VWF: variants seen among roughly 807,000 people sequenced by gnomAD.
VWF encodes the protein Factor VIII related antigen.
In VWF, 176 loss-of-function variants were observed where a neutral mutation model predicts 308.6. That is an observed-to-expected ratio of 0.57 (90% CI 0.50 to 0.65). The LOEUF (loss-of-function observed/expected upper bound fraction) is 0.65. Ranked by LOEUF, VWF falls within the 30% of genes least tolerant of loss-of-function variation. The pLI is 0.00. For synonymous variants in VWF, 1,385 were observed against 1,443.4 expected (o/e 0.96, Z 0.92); for missense variants, 3,146 against 3,648.2 (o/e 0.86, Z 3.55).
At chr12:6,021,621 C>T in intron 27 of VWF, 1 of 392,514 alleles carries the variant, frequency 2.5e-6, no homozygotes. Context: ...AAAGCAAAAA[C>T]CTGTTAGGAC....
intron 6 of VWF, chr12:6,095,135 T>C: frequency 8.1e-6 from 3 of 369,442 alleles, no homozygotes; most frequent in South Asian, 6.4e-5. Context: ...AGACACTGAA[T>C]GCTGGTACCT....
intron 37 of VWF, among the ~76,000 whole-genome samples, 174 bp downstream of exon 37, chr12:5,993,688 T>C (rs1014749849): frequency 1.3e-4 from 20 of 150,718 alleles, no homozygotes; most frequent in African/African-American, 4.9e-4. Flanking sequence ...TATACATATA[T>C]GTATATGTAT....
chr12:6,088,471 T>C (rs1355482295), intron 6 of VWF, among the ~76,000 whole-genome samples: 1 of 146,104 alleles, frequency 6.8e-6, no homozygotes, highest in East Asian at 2.0e-4. Context: ...AGAGCGAGAC[T>C]CTGTCTAAAA....
At position 6,018,567 on chromosome 12, in the gene VWF, C is replaced by T; in HGVS notation, c.4851G>A (p.Lys1617=). ...CCACCTGGATGTCTCCAGGCAGCCT[C>T]TTGATCTCATCAGAGGCAGGATTTC... ...VTGNPASDEI[K]RLPGDIQVVP... is the part of the protein sequence containing the mutation. Residue 1617 remains lysine (K), a synonymous_variant, in exon 28 of 52, where the codon AAG becomes AAA. Transcript: ENST00000261405. The T allele has an allele frequency of 6.2e-7, 1 of 1,614,156 alleles. No homozygotes were observed. Among genetic ancestry groups the T allele is most frequent in the Non-Finnish European group, 8.5e-7 (1 of 1,180,004 alleles).
intron 6 of VWF, among the ~76,000 whole-genome samples, chr12:6,078,050 A>C (rs1944865642): frequency 1.3e-5 from 2 of 152,234 alleles, no homozygotes; most frequent in South Asian, 4.1e-4. Flanking sequence ...TATCATCATC[A>C]TCATCATCTT....
chr12:5,976,151 G>A lies in VWF; in HGVS notation c.7397C>T (p.Ala2466Val). The stretch of plus-strand genomic sequence containing the variant: ...CTCACAGGGCTTCTGGGAGCACTGG[G>A]CCACGCGGAGGCCCATCACGGCATC... ...MEDAVMGLRV[A>V]QCSQKPCEDS... is the part of the protein sequence containing the mutation. The change falls in exon 43 of 52, where the codon GCC (alanine) becomes GTC (valine). Residue 2466 changes from alanine to valine, a missense_variant. Coordinates refer to ENST00000261405, the MANE Select transcript of VWF (RefSeq NM_000552.5). The A allele has an allele frequency of 6.2e-7, 1 of 1,614,016 alleles. No individual in the cohort carries two copies. Among genetic ancestry groups the A allele is most frequent in the Non-Finnish European group, 8.5e-7 (1 of 1,180,036 alleles).
At chr12:6,053,058 T>C (rs1169047717) in intron 15 of VWF, among the ~76,000 whole-genome samples, 1 of 152,202 alleles carries the variant, frequency 6.6e-6, no homozygotes. Context: ...AGCATGCAGA[T>C]ATGTATTATA....
At chr12:6,110,227 T>A (rs1945291204) in intron 5 of VWF, 147 bp downstream of exon 5, 2 of 884,074 alleles carry the variant, frequency 2.3e-6, no homozygotes, top group African/African-American at 1.6e-5. Flanking sequence ...TGGAATGGAA[T>A]GCAAAGAGAT....
chr12:6,038,170 G>A (rs1438892487), intron 18 of VWF, among the ~76,000 whole-genome samples: 1 of 152,192 alleles, frequency 6.6e-6, no homozygotes, highest in Non-Finnish European at 1.5e-5. Context: ...CTCTCTAGCA[G>A]AGCATTCAAA....
chr12:5,972,299 T>A (rs1239862432), intron 43 of VWF, among the ~76,000 whole-genome samples: 1 of 152,202 alleles, frequency 6.6e-6, no homozygotes, highest in African/African-American at 2.4e-5. Flanking sequence ...GAGACCAGCA[T>A]CCTGGAAGTT....
intron 31 of VWF, among the ~76,000 whole-genome samples, chr12:6,014,938 C>A (rs1944039904): frequency 6.6e-6 from 1 of 152,184 alleles, no homozygotes; most frequent in South Asian, 2.1e-4. Context: ...CAGTGAAAAT[C>A]TTTCTTTGGA....
chr12:5,994,744 G>A (rs1943790542), intron 35 of VWF, 137 bp from the exon 36 acceptor site: 2 of 774,472 alleles, frequency 2.6e-6, no homozygotes, highest in East Asian at 2.6e-5. Flanking sequence ...TTTGTCGGCA[G>A]CTCTTCTAAG....
intron 34 of VWF, among the ~76,000 whole-genome samples, chr12:6,001,723 T>C (rs1282475635): frequency 6.6e-6 from 1 of 151,984 alleles, no homozygotes; most frequent in African/African-American, 2.4e-5. Context: ...AAGACAAACA[T>C]TAAAATCAAA....
intron 13 of VWF, among the ~76,000 whole-genome samples, chr12:6,061,099 G>A (rs1373450454): frequency 6.6e-6 from 1 of 152,222 alleles, no homozygotes; most frequent in Non-Finnish European, 1.5e-5. Flanking sequence ...TACTCGGGAG[G>A]TTGAGGCAGG....
chr12:6,050,325 T>C (rs1944494879), intron 16 of VWF, among the ~76,000 whole-genome samples: 1 of 152,210 alleles, frequency 6.6e-6, no homozygotes, highest in South Asian at 2.1e-4. Context: ...TCTACTGCTA[T>C]CGCTTGATCC....
chr12:5,962,175 G>A (rs927721368), intron 47 of VWF, among the ~76,000 whole-genome samples: 1 of 152,172 alleles, frequency 6.6e-6, no homozygotes, highest in East Asian at 1.9e-4. Flanking sequence ...TGTTACAGCA[G>A]CACAGACTGA....
intron 1 of VWF, among the ~76,000 whole-genome samples, chr12:6,123,421 T>C (rs1248426678): frequency 6.6e-6 from 1 of 152,112 alleles, no homozygotes; most frequent in Non-Finnish European, 1.5e-5. Context: ...CTGGGACCTG[T>C]GGGCACCTTT....
At chr12:5,967,731 T>C (rs1943420572) in intron 46 of VWF, 129 bp from the exon 47 acceptor site, 1 of 854,972 alleles carries the variant, frequency 1.2e-6, no homozygotes, top group South Asian at 1.4e-5. Context: ...GCTCCTCCTG[T>C]CTCCTATGGC....
chr12:6,009,885 T>C (rs2136401796), intron 34 of VWF, among the ~76,000 whole-genome samples: 1 of 152,312 alleles, frequency 6.6e-6, no homozygotes, highest in South Asian at 2.1e-4. Context: ...CACAGAAGGA[T>C]AACTACTGCA....
Sources: gnomAD v4.1 joint callset for allele counts (sites outside exome capture counted in the v4.1 genomes callset) on GRCh38, gnomAD v4.1.1 for gene constraint, MANE v1.5 for transcripts, NCBI Gene and HGNC (gene_info 2026-07-23, HGNC 2026-07-21) for gene names.